The following FMN2 variants were observed in gnomAD, a reference collection of about 807,000 sequenced individuals.
FMN2 encodes formin-2.
FMN2 carries 51 observed loss-of-function variants against 142.3 expected under a neutral mutation model. The observed-to-expected ratio is 0.36, with a 90% confidence interval of 0.29 to 0.45. FMN2 has a LOEUF of 0.45. FMN2 is among the 20% of genes least tolerant of loss of function. FMN2 has a pLI of 1.00. For synonymous variants in FMN2, 882 were observed against 869.8 expected (o/e 1.01, Z -0.25); for missense variants, 1,936 against 2,122.8 (o/e 0.91, Z 1.73).
intron 16 of FMN2, among the ~76,000 whole-genome samples, chr1:240,454,372 T>G (rs932553093): frequency 6.6e-6 from 1 of 152,052 alleles, no homozygotes; most frequent in Non-Finnish European, 1.5e-5. Flanking sequence ...CAAAACCCCA[T>G]ATCTACTAAA....
intron 6 of FMN2, among the ~76,000 whole-genome samples, chr1:240,236,393 C>T (rs1667711966): frequency 6.6e-6 from 1 of 152,200 alleles, no homozygotes. Context: ...TCGTCGCCAG[C>T]ATTAAAGATT....
chr1:240,456,808 G>C (rs1189219308), intron 16 of FMN2, among the ~76,000 whole-genome samples: 1 of 152,178 alleles, frequency 6.6e-6, no homozygotes, highest in Non-Finnish European at 1.5e-5. Context: ...TGGGGTAAAG[G>C]ATGATAGAAT....
chr1:240,213,916 C>T lies in FMN2; in HGVS notation c.4065+2681C>T, dbSNP rs78536048. Among the ~76,000 whole-genome samples the T allele has an allele frequency of 3.4e-3, 517 of 152,298 alleles. 4 individuals are homozygous for T. The highest frequency in any genetic ancestry group is 0.012 in the African/African-American group (496 of 41,556). On this transcript the variant is annotated intron_variant, in intron 6 of 17. Coordinates refer to ENST00000319653, the MANE Select transcript of FMN2 (RefSeq NM_020066.5). Reference sequence around the variant, plus strand: ...GAAGATTCCTCAGCTGGGCACATTGCCGTTTGGCATAAGGAGAAAGAGGGT... The same window carrying T: ...GAAGATTCCTCAGCTGGGCACATTGTCGTTTGGCATAAGGAGAAAGAGGGT...
intron 7 of FMN2, among the ~76,000 whole-genome samples, chr1:240,274,595 T>C (rs1328333810): frequency 2.0e-5 from 3 of 152,044 alleles, no homozygotes; most frequent in Non-Finnish European, 2.9e-5. Context: ...GAGGAACGAT[T>C]GGTCTGATTT....
intron 6 of FMN2, among the ~76,000 whole-genome samples, chr1:240,249,542 G>C (rs1668206294): frequency 6.6e-6 from 1 of 151,948 alleles, no homozygotes; most frequent in African/African-American, 2.4e-5. Flanking sequence ...GATACCTCCA[G>C]CTTTGTTTGT....
chr1:240,334,362 G>T (rs1671491722), intron 13 of FMN2, 133 bp downstream of exon 13: 1 of 1,055,694 alleles, frequency 9.5e-7, no homozygotes, highest in African/African-American at 1.7e-5. Context: ...TGTGGCGAAA[G>T]AACAATTTTG....
intron 7 of FMN2, among the ~76,000 whole-genome samples, chr1:240,285,462 G>A (rs1267562342): frequency 1.3e-5 from 2 of 152,018 alleles, no homozygotes; most frequent in East Asian, 3.9e-4. Context: ...TGAAAGTGCT[G>A]GAGTATTTCA....
chr1:240,273,789 G>A (rs921485026), intron 7 of FMN2, among the ~76,000 whole-genome samples: 5 of 152,122 alleles, frequency 3.3e-5, no homozygotes, highest in African/African-American at 1.2e-4. Flanking sequence ...TGAATCAGGT[G>A]AGTTCTGTGA....
intron 4 of FMN2, among the ~76,000 whole-genome samples, chr1:240,197,230 T>G (rs1665948887): frequency 6.6e-6 from 1 of 152,188 alleles, no homozygotes. Context: ...TTGATGGGAT[T>G]TGGAGAGCTT....
At chr1:240,370,316 T>C (rs1672820790) in intron 14 of FMN2, among the ~76,000 whole-genome samples, 2 of 152,196 alleles carry the variant, frequency 1.3e-5, no homozygotes. Flanking sequence ...TAGAAGTCTA[T>C]CTTGTTTTTT....
chr1:240,164,310 T>C (rs1486257030), intron 2 of FMN2, among the ~76,000 whole-genome samples: 1 of 152,222 alleles, frequency 6.6e-6, no homozygotes, highest in African/African-American at 2.4e-5. Context: ...TTAAGCAACC[T>C]TGAGATTCCC....
intron 1 of FMN2, among the ~76,000 whole-genome samples, chr1:240,117,241 T>C (rs1459747603): frequency 6.6e-6 from 1 of 152,208 alleles, no homozygotes; most frequent in Non-Finnish European, 1.5e-5. Context: ...TTTGACAATA[T>C]CATCTCATCA....
intron 2 of FMN2, among the ~76,000 whole-genome samples, chr1:240,140,617 T>TA (rs1460512314): frequency 1.3e-5 from 2 of 150,892 alleles, no homozygotes; most frequent in African/African-American, 4.9e-5. Flanking sequence ...TCATGATATT[T>TA]ACAGGATTTT....
chr1:240,304,131 A>T (rs1670296485), intron 8 of FMN2, among the ~76,000 whole-genome samples: 1 of 152,148 alleles, frequency 6.6e-6, no homozygotes, highest in Non-Finnish European at 1.5e-5. Flanking sequence ...AACAAAATTT[A>T]AAAAGCCTTT....
chr1:240,397,356 A>G (rs1188317879), intron 15 of FMN2, among the ~76,000 whole-genome samples: 4 of 152,148 alleles, frequency 2.6e-5, no homozygotes, highest in Non-Finnish European at 5.9e-5. Flanking sequence ...TTGAGTCTGA[A>G]GCAGTCTAGA....
At chr1:240,378,181 A>G (rs1418065510) in intron 14 of FMN2, among the ~76,000 whole-genome samples, 35 of 150,414 alleles carry the variant, frequency 2.3e-4, no homozygotes, top group Non-Finnish European at 4.0e-4. Flanking sequence ...ACAGGGTTTC[A>G]CTCTTGTTGC....
At chr1:240,291,440 C>A (rs2102955041) in intron 7 of FMN2, among the ~76,000 whole-genome samples, 1 of 152,172 alleles carries the variant, frequency 6.6e-6, no homozygotes, top group South Asian at 2.1e-4. Context: ...CTTAAAGCAG[C>A]AAGGAGGAAA....
rs552789624 is a variant in FMN2, at chr1:240,280,579, G to T, written c.4154-14243G>T. Among the ~76,000 whole-genome samples, 72 of 152,128 alleles carry T rather than the reference G, an allele frequency of 4.7e-4. 4 individuals carry two copies. The highest frequency in any genetic ancestry group is 2.9e-5 in the Non-Finnish European group (2 of 68,020). On this transcript the variant is annotated intron_variant, in intron 7 of 17. Transcript: ENST00000319653. ...ACTCACTAAGCCCTCTTTTACAAGA[G>T]CATAAATGTTTACCTAAGCAAGAAG...
At chr1:240,291,414 G>A (rs372126343) in intron 7 of FMN2, among the ~76,000 whole-genome samples, 1 of 152,128 alleles carries the variant, frequency 6.6e-6, no homozygotes, top group African/African-American at 2.4e-5. Flanking sequence ...AGACAAGGAT[G>A]GGTGTTACTC....
Sources: allele counts gnomAD v4.1 joint callset (sites outside exome capture counted in the v4.1 genomes callset), GRCh38; gene constraint gnomAD v4.1.1; transcripts MANE v1.5; gene names NCBI Gene and HGNC (gene_info 2026-07-23, HGNC 2026-07-21).